The following C5orf63 variants were observed in gnomAD, a reference collection of about 807,000 sequenced individuals.
The protein encoded by C5orf63 is chromosome 5 open reading frame 63.
In C5orf63, 18 loss-of-function variants were observed where a neutral mutation model predicts 13.3. The observed-to-expected ratio is 1.36, with a 90% CI of 0.94 to 2.01. C5orf63 has a LOEUF of 2.01. Among genes scored for constraint, C5orf63 ranks in the 30% most tolerant of loss-of-function variants. The pLI is 0.00. For missense variants in C5orf63, 118 were observed against 127.7 expected (o/e 0.92, Z 0.36); for synonymous variants, 38 against 44.7 (o/e 0.85, Z 0.60).
intron 2 of C5orf63, among the ~76,000 whole-genome samples, chr5:127,062,168 T>C (rs1479846660): frequency 2.6e-5 from 4 of 152,202 alleles, no homozygotes. Flanking sequence ...AAATAAAACC[T>C]GTCATAGTAA....
chr5:127,063,428 T>G (rs1413518170), intron 2 of C5orf63, among the ~76,000 whole-genome samples: 2 of 152,212 alleles, frequency 1.3e-5, no homozygotes, highest in Non-Finnish European at 2.9e-5. Context: ...ATCACTTGTA[T>G]GGAGCTCCTG....
intron 2 of C5orf63, among the ~76,000 whole-genome samples, chr5:127,061,105 CTATAT>C (rs1323739798): frequency 1.3e-5 from 2 of 152,140 alleles, no homozygotes; most frequent in African/African-American, 4.8e-5. Context: ...TGGGCCTATT[CTATAT>C]AATAACTAAA....
intron 1 of C5orf63, chr5:127,073,187 G>A (rs1165148129): frequency 1.4e-5 from 2 of 142,940 alleles, no homozygotes; most frequent in Non-Finnish European, 3.0e-5. Context: ...GATGTTTTCT[G>A]CTTTCTCTTA....
chr5:127,049,739 T>C (rs959988373), downstream of C5orf63, among the ~76,000 whole-genome samples: 6 of 152,270 alleles, frequency 3.9e-5, no homozygotes, highest in African/African-American at 1.4e-4. Flanking sequence ...ATATTTATTG[T>C]CTTTCAGTTT....
downstream of C5orf63, chr5:127,047,494 T>C (rs1753543807): frequency 3.7e-6 from 2 of 537,514 alleles, no homozygotes; most frequent in African/African-American, 3.8e-5. Flanking sequence ...ATCTGCAGGA[T>C]TCCTAGTCAC....
rs149815075 is a variant in C5orf63 at position 127,065,648 on chromosome 5, T to C, written c.-8+5936A>G. 2.9e-3 allele frequency among the ~76,000 whole-genome samples: 445 copies of C among 152,184 alleles called. 6 individuals are homozygous for C. The highest frequency in any genetic ancestry group is 0.01 in the Middle Eastern group (3 of 294). Reference sequence around the variant, plus strand: ...GAGGATTTTAATGGTGGTTAAGCAATGTGTGATGTGTTGTATATGTCTTGG... The same window carrying C: ...GAGGATTTTAATGGTGGTTAAGCAACGTGTGATGTGTTGTATATGTCTTGG... On this transcript the variant is annotated intron_variant, in intron 2 of 4. Coordinates refer to ENST00000296662, the MANE Select transcript of C5orf63 (RefSeq NM_001164478.2).
intron 2 of C5orf63, among the ~76,000 whole-genome samples, chr5:127,060,307 T>G (rs115440877): frequency 2.8e-3 from 428 of 152,300 alleles, no homozygotes; most frequent in Non-Finnish European, 4.3e-3. Flanking sequence ...AATGTACTTG[T>G]GTTTCTACTG....
At chr5:127,065,532 CT>C (rs2126898005) in intron 2 of C5orf63, among the ~76,000 whole-genome samples, 1 of 152,236 alleles carries the variant, frequency 6.6e-6, no homozygotes, top group East Asian at 1.9e-4. Flanking sequence ...ACATGGCTAT[CT>C]GATGGGGGAA....
At chr5:127,045,274 T>C (rs1753497300) in exon 5 of C5orf63, 1 of 152,232 alleles carries the variant, frequency 6.6e-6, no homozygotes, top group African/African-American at 2.4e-5. Context: ...CAGAAATCAG[T>C]TTCACAGAAC....
chr5:127,057,137 C>T (rs1753913948), intron 3 of C5orf63, among the ~76,000 whole-genome samples: 1 of 152,166 alleles, frequency 6.6e-6, no homozygotes, highest in African/African-American at 2.4e-5. Flanking sequence ...CATAGACTCT[C>T]AGATGATGAA....
chr5:127,043,887 T>G (rs1753460591), downstream of C5orf63: 1 of 152,266 alleles, frequency 6.6e-6, no homozygotes, highest in South Asian at 2.1e-4. Context: ...TAACTCATTT[T>G]TAAGGGAAGC....
intron 2 of C5orf63, among the ~76,000 whole-genome samples, chr5:127,067,816 T>C (rs1236622602): frequency 2.0e-5 from 3 of 152,210 alleles, no homozygotes; most frequent in Admixed American, 6.5e-5. Context: ...GTGGATTTTA[T>C]TGATAATCTT....
chr5:127,055,644 T>G (rs373011878), intron 3 of C5orf63, among the ~76,000 whole-genome samples: 1 of 152,160 alleles, frequency 6.6e-6, no homozygotes, highest in African/African-American at 2.4e-5. Context: ...TAGCAATACA[T>G]AGATTATGGA....
chr5:127,072,619 A>G (rs889527884), intron 1 of C5orf63, among the ~76,000 whole-genome samples: 1 of 152,128 alleles, frequency 6.6e-6, no homozygotes, highest in Non-Finnish European at 1.5e-5. Flanking sequence ...CTTGGGGTCA[A>G]GCTAAGGCCA....
At chr5:127,058,626 C>T (rs1753979254) in intron 3 of C5orf63, 1 of 344,152 alleles carries the variant, frequency 2.9e-6, no homozygotes, top group South Asian at 6.6e-5. Flanking sequence ...CATTTTTAAA[C>T]ACCATATTAT....
At chr5:127,060,429 T>C (rs1185287759) in intron 2 of C5orf63, among the ~76,000 whole-genome samples, 1 of 152,230 alleles carries the variant, frequency 6.6e-6, no homozygotes, top group African/African-American at 2.4e-5. Context: ...TCTGTGATGC[T>C]ACAGTCATTC....
chr5:127,061,107 A>C (rs774385337), intron 2 of C5orf63, among the ~76,000 whole-genome samples: 2 of 152,186 alleles, frequency 1.3e-5, no homozygotes, highest in Admixed American at 6.5e-5. Context: ...GGCCTATTCT[A>C]TATAATAACT....
intron 2 of C5orf63, among the ~76,000 whole-genome samples, chr5:127,064,621 T>A (rs184288562): frequency 6.6e-6 from 1 of 152,334 alleles, no homozygotes; most frequent in East Asian, 1.9e-4. Context: ...TCTATGCAGC[T>A]TCTACTTCCA....
intron 1 of C5orf63, among the ~76,000 whole-genome samples, chr5:127,072,517 A>G (rs939919454): frequency 7.9e-5 from 12 of 152,240 alleles, no homozygotes; most frequent in African/African-American, 2.9e-4. Context: ...TGCTTAAACA[A>G]GACAATGTAT....
Sources: gnomAD v4.1 joint callset for allele counts (sites outside exome capture counted in the v4.1 genomes callset) on GRCh38, gnomAD v4.1.1 for gene constraint, MANE v1.5 for transcripts, NCBI Gene and HGNC (gene_info 2026-07-23, HGNC 2026-07-21) for gene names.